The following AIG1 variants were observed in gnomAD, a reference collection of about 807,000 sequenced individuals.
The protein encoded by AIG1 is androgen-induced gene 1 protein.
A neutral mutation model predicts 31.4 loss-of-function variants in AIG1; 23 were observed. That is an observed-to-expected ratio of 0.73 (90% CI 0.53 to 1.04). The LOEUF (loss-of-function observed/expected upper bound fraction) is 1.04, where lower values mean the gene tolerates loss of function less well. Ranked by LOEUF, AIG1 falls within the 50% of genes least tolerant of loss-of-function variation. The probability of loss-of-function intolerance (pLI) is 0.00; values close to 1 mark genes in which losing one functional copy is unlikely to be tolerated. For missense variants in AIG1, 274 were observed against 295.0 expected (o/e 0.93, Z 0.52); for synonymous variants, 100 against 110.5 (o/e 0.90, Z 0.60).
chr6:143,073,190 G>A (rs1390191751), intron 1 of AIG1, among the ~76,000 whole-genome samples: 1 of 152,142 alleles, frequency 6.6e-6, no homozygotes, highest in Admixed American at 6.5e-5. Context: ...GCTCATTCAT[G>A]TTGTGACAAA....
At chr6:143,193,127 C>T (rs1420710764) in intron 3 of AIG1, among the ~76,000 whole-genome samples, 2 of 152,194 alleles carry the variant, frequency 1.3e-5, no homozygotes, top group African/African-American at 4.8e-5. Flanking sequence ...CAAAACCACT[C>T]TGAAGAGATT....
chr6:143,148,607 C>T (rs1204268543), intron 2 of AIG1, among the ~76,000 whole-genome samples: 1 of 152,074 alleles, frequency 6.6e-6, no homozygotes, highest in East Asian at 1.9e-4. Flanking sequence ...GGGAGGATTG[C>T]TTGAAGCCAG....
At chr6:143,266,334 A>C (rs185314867) in intron 3 of AIG1, among the ~76,000 whole-genome samples, 536 of 139,728 alleles carry the variant, frequency 3.8e-3, no homozygotes, top group Non-Finnish European at 5.7e-3. Flanking sequence ...ACAATAGAGT[A>C]AGAGTCCGTC....
At chr6:143,281,766 T>C (rs1260653964) in intron 3 of AIG1, among the ~76,000 whole-genome samples, 1 of 152,228 alleles carries the variant, frequency 6.6e-6, no homozygotes, top group African/African-American at 2.4e-5. Flanking sequence ...ACACAGTCTT[T>C]AGTGCATGAA....
chr6:143,161,170 A>G (rs1786338854), intron 2 of AIG1, among the ~76,000 whole-genome samples: 1 of 152,188 alleles, frequency 6.6e-6, no homozygotes. Flanking sequence ...AAAAGACAAT[A>G]ATGACCAAAA....
chr6:143,148,184 G>A (rs968551564), intron 2 of AIG1, among the ~76,000 whole-genome samples: 3 of 152,000 alleles, frequency 2.0e-5, no homozygotes, highest in African/African-American at 7.3e-5. Flanking sequence ...GACATATACA[G>A]CAGTGGTCCC....
chr6:143,343,230 T>G, downstream of AIG1: 1 of 672,618 alleles, frequency 1.5e-6, no homozygotes, highest in South Asian at 1.4e-5. Context: ...ACGGAAATTT[T>G]TTGATTATGC....
At chr6:143,074,636 A>G (rs1243171615) in intron 1 of AIG1, among the ~76,000 whole-genome samples, 1 of 152,194 alleles carries the variant, frequency 6.6e-6, no homozygotes, top group Non-Finnish European at 1.5e-5. Flanking sequence ...TTTGATTACC[A>G]TAGCTTTGTA....
At chr6:143,272,146 C>G (rs1796568312) in intron 3 of AIG1, among the ~76,000 whole-genome samples, 1 of 152,056 alleles carries the variant, frequency 6.6e-6, no homozygotes, top group Admixed American at 6.5e-5. Flanking sequence ...AGATAGATCT[C>G]AGTATAGTCA....
rs544639520 is a variant in AIG1 at position 143,307,368 on chromosome 6, T to C, written c.515+23143T>C. 1.2e-4 allele frequency among the ~76,000 whole-genome samples: 18 copies of C among 152,316 alleles called. No homozygotes were observed. In the East Asian group the frequency reaches 3.3e-3, roughly 28 times the overall value. ...GTCTTTGATGATGGTGATGTACAGA[T>C]GGGTTTTTGATGTGGATGTCCTTTC... On this transcript the variant is annotated intron_variant, in intron 4 of 5. Coordinates refer to ENST00000357847, the MANE Select transcript of AIG1 (RefSeq NM_016108.4).
intron 1 of AIG1, among the ~76,000 whole-genome samples, chr6:143,121,595 G>A (rs769177593): frequency 2.6e-5 from 4 of 152,128 alleles, no homozygotes; most frequent in Non-Finnish European, 5.9e-5. Context: ...CATTTGCTAG[G>A]AGCAATTCCA....
chr6:143,160,224 T>A (rs1786214950), intron 2 of AIG1, among the ~76,000 whole-genome samples: 1 of 152,212 alleles, frequency 6.6e-6, no homozygotes, highest in Non-Finnish European at 1.5e-5. Context: ...TCATGGCGAA[T>A]TTCTCTCCAA....
At chr6:143,086,891 T>A (rs745592876) in intron 1 of AIG1, among the ~76,000 whole-genome samples, 1 of 152,188 alleles carries the variant, frequency 6.6e-6, no homozygotes, top group South Asian at 2.1e-4. Flanking sequence ...CTCAGCTGGC[T>A]TATGCCGGGA....
chr6:143,060,592 T>A, upstream of AIG1: 1 of 443,680 alleles, frequency 2.3e-6, no homozygotes, highest in Non-Finnish European at 4.7e-6. Flanking sequence ...CTGGGATGCC[T>A]AGGGGGCGCC....
chr6:143,072,483 C>T (rs1379210489), intron 1 of AIG1, among the ~76,000 whole-genome samples: 1 of 152,014 alleles, frequency 6.6e-6, no homozygotes, highest in Non-Finnish European at 1.5e-5. Context: ...GAGGAGAGAG[C>T]AGATATCCTT....
rs921408219 is a variant in AIG1 at position 143,326,443 on chromosome 6, C to T, written c.516-6839C>T. On this transcript the variant is annotated intron_variant, in intron 4 of 5. Coordinates refer to ENST00000357847, the MANE Select transcript of AIG1 (RefSeq NM_016108.4). The surrounding 1 kb of genome is among the most constrained non-coding windows in gnomAD (Gnocchi z 4.5). ...CAGTTTAAATGCTACTTTATTCATT[C>T]ATTCATTCTTCTAGTGTGTGACAGG... 7.2e-5 allele frequency among the ~76,000 whole-genome samples: 11 copies of T among 152,144 alleles called. No individual in the cohort carries two copies. Among genetic ancestry groups the T allele is most frequent in the African/African-American group, 1.4e-4 (6 of 41,422 alleles).
intron 4 of AIG1, among the ~76,000 whole-genome samples, chr6:143,309,966 C>A (rs1007745955): frequency 6.6e-6 from 1 of 151,778 alleles, no homozygotes; most frequent in Non-Finnish European, 1.5e-5. Flanking sequence ...AATGTATATG[C>A]ACATAACAAC....
chr6:143,073,895 A>C (rs9403435), intron 1 of AIG1, among the ~76,000 whole-genome samples: 38,392 of 152,150 alleles, frequency 0.25, 8,756 homozygotes, highest in African/African-American at 0.58. Context: ...ATGAGAAATC[A>C]CCATGATCCA....
At chr6:143,274,984 A>T (rs1796796004) in intron 3 of AIG1, among the ~76,000 whole-genome samples, 1 of 152,270 alleles carries the variant, frequency 6.6e-6, no homozygotes, top group Non-Finnish European at 1.5e-5. Flanking sequence ...ATTTCTGCAC[A>T]TCCAGTTAAT....
Sources: allele counts gnomAD v4.1 joint callset (sites outside exome capture counted in the v4.1 genomes callset), GRCh38; gene constraint gnomAD v4.1.1; non-coding constraint Gnocchi (gnomAD v3.1); transcripts MANE v1.5; gene names NCBI Gene and HGNC (gene_info 2026-07-23, HGNC 2026-07-21).